Variants in PPCDC observed in about 807,000 individuals in gnomAD.
PPCDC encodes phosphopantothenoylcysteine decarboxylase.
PPCDC carries 20 observed loss-of-function variants against 20.7 expected under a neutral mutation model. The ratio of observed to expected loss-of-function variants is 0.97; its 90% CI spans 0.68 to 1.41. The LOEUF (loss-of-function observed/expected upper bound fraction) is 1.41, where lower values mean the gene tolerates loss of function less well. Among genes scored for constraint, PPCDC ranks in the 40% most tolerant of loss-of-function variants. The probability of loss-of-function intolerance (pLI) is 0.00; values close to 1 mark genes in which losing one functional copy is unlikely to be tolerated. For missense variants in PPCDC, 246 were observed against 263.8 expected, an observed-to-expected ratio of 0.93 and a Z score of 0.47; for synonymous variants, 88 against 100.3, an observed-to-expected ratio of 0.88 and a Z score of 0.73.
chr15:75,045,608 T>C (rs1567064855), intron 4 of PPCDC, among the ~76,000 whole-genome samples: 1 of 152,166 alleles, frequency 6.6e-6, no homozygotes, highest in East Asian at 1.9e-4. Flanking sequence ...AATGGGCTCT[T>C]AAGGCACTCC....
chr15:75,031,583 A>G (rs2141478760), intron 2 of PPCDC, among the ~76,000 whole-genome samples: 1 of 152,208 alleles, frequency 6.6e-6, no homozygotes, highest in South Asian at 2.1e-4. Context: ...GGGCGCCTAT[A>G]ATCCCAGTTA....
intron 2 of PPCDC, among the ~76,000 whole-genome samples, chr15:75,042,389 G>A (rs2066163499): frequency 1.3e-5 from 2 of 152,052 alleles, no homozygotes; most frequent in South Asian, 2.1e-4. Flanking sequence ...GGTGGCTCAC[G>A]CCTGTAACAC....
At chr15:75,043,355 C>A in intron 2 of PPCDC, 86 bp from the exon 3 acceptor site, 2 of 1,182,204 alleles carry the variant, frequency 1.7e-6, no homozygotes, top group Non-Finnish European at 2.4e-6. Context: ...CACCTGCCTG[C>A]CCTGACCCTC....
At chr15:75,032,733 C>G (rs199804202) in intron 2 of PPCDC, among the ~76,000 whole-genome samples, 23 of 137,064 alleles carry the variant, frequency 1.7e-4, no homozygotes, top group African/African-American at 6.4e-4. Flanking sequence ...GACCCCCCCC[C>G]CCAAGGCCAA....
At chr15:75,025,386 T>C (rs528202396) in intron 1 of PPCDC, among the ~76,000 whole-genome samples, 39 of 152,350 alleles carry the variant, frequency 2.6e-4, no homozygotes, top group African/African-American at 8.7e-4. Context: ...CTGGCCTTGC[T>C]TTCCTTGCTC....
In PPCDC at chr15:75,028,372, C is replaced by T. The variant is rs181603213; in HGVS notation, c.54C>T (p.Phe18=). Residue 18 remains phenylalanine (F), a synonymous_variant, in exon 2 of 6, where the codon TTC becomes TTT. Transcript: ENST00000342932. ...CTGCACCCTTGATGGAGAGAAAATT[C>T]CATGTTCTTGTGGGTGTCACGGGGA... ...PAAAPLMERK[F]HVLVGVTGSV... is the part of the protein sequence containing the mutation. 6.2e-7 allele frequency: 1 copy of T among 1,614,170 alleles called. No individual in the cohort carries two copies. The highest frequency in any genetic ancestry group is 1.1e-5 in the South Asian group (1 of 91,076).
intron 2 of PPCDC, among the ~76,000 whole-genome samples, chr15:75,035,557 G>A (rs1377826256): frequency 3.3e-5 from 5 of 152,122 alleles, no homozygotes; most frequent in Admixed American, 1.3e-4. Flanking sequence ...AACTGGTTTC[G>A]GGAAGGAATC....
chr15:75,028,419 C>A lies in PPCDC; in HGVS notation c.101C>A (p.Pro34His), dbSNP rs1393970397. The A allele has an allele frequency of 6.2e-7, 1 of 1,614,244 alleles. No homozygotes were observed. Among genetic ancestry groups the A allele is most frequent in the Admixed American group, 1.7e-5 (1 of 60,034 alleles). The change falls in exon 2 of 6, where the codon CCT (proline) becomes CAT (histidine). Residue 34 changes from proline to histidine, a missense_variant. Pro to His is a moderately conservative substitution (Grantham distance 77). Around this residue, in one of 2 missense-constraint regions of PPCDC, gnomAD observed 225 missense variants for 222.6 expected, o/e 1.01. Transcript: ENST00000342932. The part of the protein sequence containing the change: ...VTGSVAALKL[P>H]LLVSKLLDIP... ...GGGAGTGTCGCAGCCCTGAAGTTGC[C>A]TCTTCTGGTGTCAAAGCTTTTGGAC...
intron 2 of PPCDC, among the ~76,000 whole-genome samples, chr15:75,029,828 A>G (rs949266079): frequency 6.6e-6 from 1 of 152,034 alleles, no homozygotes; most frequent in African/African-American, 2.4e-5. Context: ...CCCTTTTCCC[A>G]TAGCCCCAGG....
At chr15:75,029,862 G>A (rs1010079441) in intron 2 of PPCDC, among the ~76,000 whole-genome samples, 1 of 152,286 alleles carries the variant, frequency 6.6e-6, no homozygotes, top group Non-Finnish European at 1.5e-5. Flanking sequence ...CGGACTAGGG[G>A]TGGATAGGGG....
At chr15:75,032,037 A>G (rs978082456) in intron 2 of PPCDC, among the ~76,000 whole-genome samples, 1 of 152,234 alleles carries the variant, frequency 6.6e-6, no homozygotes, top group African/African-American at 2.4e-5. Context: ...CTTTAGGCAG[A>G]TAAGAGAAGT....
At chr15:75,044,748 C>G in intron 4 of PPCDC, 1 of 497,540 alleles carries the variant, frequency 2.0e-6, no homozygotes, top group Non-Finnish European at 3.5e-6. Context: ...AGGAGTGTCC[C>G]CCTCTCCCCT....
chr15:75,048,649 GTAGA>G lies in PPCDC; in HGVS notation c.458_461del (p.Val153AlafsTer38). ...GGAGCACCCGATCACAGCGCAGCAG[GTAGA>G]CCAGCTCAAGGCCTTTGGCTATGTC... On this transcript the variant is annotated frameshift_variant, in exon 5 of 6. Transcript: ENST00000342932. LOFTEE classifies it high-confidence loss of function. 6.2e-7 allele frequency: 1 copy of G among 1,614,262 alleles called. No individual in the cohort carries two copies. The highest frequency in any genetic ancestry group is 8.5e-7 in the Non-Finnish European group (1 of 1,180,042).
At chr15:75,037,611 G>A (rs921158179) in intron 2 of PPCDC, among the ~76,000 whole-genome samples, 3 of 152,200 alleles carry the variant, frequency 2.0e-5, no homozygotes, top group African/African-American at 7.2e-5. Flanking sequence ...GCTGGGCATG[G>A]TGGCGCATGC....
intron 1 of PPCDC, among the ~76,000 whole-genome samples, chr15:75,026,168 T>C (rs1176918651): frequency 6.6e-6 from 1 of 152,162 alleles, no homozygotes; most frequent in South Asian, 2.1e-4. Flanking sequence ...GAGATAAAAT[T>C]TGGCTTCTGG....
chr15:75,029,511 G>A lies in PPCDC; in HGVS notation c.135+1058G>A, dbSNP rs547757604. Among the ~76,000 whole-genome samples the A allele has an allele frequency of 6.2e-4, 95 of 152,230 alleles. 2 individuals carry two copies. In the South Asian group the frequency reaches 0.019, roughly 31 times the overall value. On this transcript the variant is annotated intron_variant, in intron 2 of 5. Coordinates refer to ENST00000342932, the MANE Select transcript of PPCDC (RefSeq NM_021823.5). ...CCACGTGGTCACATCAGCTGGGGCTGGGCTGGGAAGTGTTTCACTTTTTTA... is the reference window on the plus strand; with the variant it reads ...CCACGTGGTCACATCAGCTGGGGCTAGGCTGGGAAGTGTTTCACTTTTTTA...
intron 1 of PPCDC, among the ~76,000 whole-genome samples, chr15:75,024,884 G>A (rs2141470298): frequency 6.6e-6 from 1 of 150,708 alleles, no homozygotes; most frequent in East Asian, 2.0e-4. Flanking sequence ...CTGATACAGT[G>A]TAAATGCTAT....
Position 75,049,292 on chromosome 15 carries a change from G to A in PPCDC, c.*57G>A, listed in dbSNP as rs907526147. On this transcript the variant is annotated 3_prime_UTR_variant, in exon 6 of 6. Coordinates refer to ENST00000342932, the MANE Select transcript of PPCDC (RefSeq NM_021823.5). ...ACTCAGAATGGGTTCAGGCCAAGTC[G>A]GTGAAGATGGATGTTGGCAAAATAG... 43 of 1,531,640 alleles carry A rather than the reference G, an allele frequency of 2.8e-5. No individual in the cohort carries two copies. In the Admixed American group the frequency reaches 4.3e-4, roughly 15 times the overall value. The allele number at this position is 1,531,640 out of a possible 1,614,324, so 94.9% of individuals were successfully genotyped here. A position where few individuals can be genotyped will look rare whatever the true frequency, so the allele number is the denominator to read the frequency against.
Position 75,050,617 on chromosome 15 carries a change from G to T in PPCDC, c.*1382G>T, listed in dbSNP as rs553337351. ...CCAGGAAGCCTACTGGCTGGAATCA[G>T]TGCTCCAGCAGCCTCCACAGCCTTT... On this transcript the variant is annotated 3_prime_UTR_variant, in exon 6 of 6. Coordinates refer to ENST00000342932, the MANE Select transcript of PPCDC (RefSeq NM_021823.5). 2.6e-5 allele frequency: 4 copies of T among 152,398 alleles called. No homozygotes were observed. In the East Asian group the frequency reaches 7.7e-4, roughly 29 times the overall value. The allele number at this position is 152,398 out of a possible 1,614,324, so 9.4% of individuals were successfully genotyped here. A position where few individuals can be genotyped will look rare whatever the true frequency, so the allele number is the denominator to read the frequency against.
Sources: gnomAD v4.1 joint callset for allele counts (sites outside exome capture counted in the v4.1 genomes callset) on GRCh38, gnomAD v4.1.1 for gene constraint, gnomAD v4.1.1 regional missense constraint, MANE v1.5 for transcripts, NCBI Gene and HGNC (gene_info 2026-07-23, HGNC 2026-07-21) for gene names.